The following CTNNA2 variants were observed in gnomAD, a reference collection of about 807,000 sequenced individuals.
The protein encoded by CTNNA2 is catenin alpha 2, also known as catenin alpha-2.
In CTNNA2, 42 loss-of-function variants were observed where a neutral mutation model predicts 101.0. The ratio of observed to expected loss-of-function variants is 0.42; its 90% CI spans 0.32 to 0.54. The LOEUF (loss-of-function observed/expected upper bound fraction) is 0.54, where lower values mean the gene tolerates loss of function less well. Ranked by LOEUF, CTNNA2 falls within the 20% of genes least tolerant of loss-of-function variation. The pLI, the probability that CTNNA2 is intolerant of heterozygous loss-of-function variation, is 0.14. For synonymous variants in CTNNA2, 450 were observed against 456.4 expected, an observed-to-expected ratio of 0.99 and a Z score of 0.18; for missense variants, 871 against 1,223.1, an observed-to-expected ratio of 0.71 and a Z score of 4.29.
At chr2:79,888,963 C>G (rs1684097447) in intron 6 of CTNNA2, among the ~76,000 whole-genome samples, 1 of 152,136 alleles carries the variant, frequency 6.6e-6, no homozygotes, top group African/African-American at 2.4e-5. Flanking sequence ...ATTAGAGCAA[C>G]ATGTGGTTTA....
chr2:79,889,317 C>T (rs1171471564), intron 6 of CTNNA2, among the ~76,000 whole-genome samples: 1 of 152,128 alleles, frequency 6.6e-6, no homozygotes, highest in African/African-American at 2.4e-5. Context: ...CTATTGAGTC[C>T]CATTCTTTAT....
chr2:79,809,410 T>A (rs139229533), intron 3 of CTNNA2, among the ~76,000 whole-genome samples: 5,017 of 152,276 alleles, frequency 0.033, 294 homozygotes, highest in African/African-American at 0.11. Flanking sequence ...CCACTAACAG[T>A]GTAAAAGCAT....
At chr2:79,694,646 G>A (rs1684535255) in intron 2 of CTNNA2, among the ~76,000 whole-genome samples, 1 of 151,708 alleles carries the variant, frequency 6.6e-6, no homozygotes, top group Non-Finnish European at 1.5e-5. Context: ...TGTTGACATC[G>A]TAATAGGCTG....
intron 3 of CTNNA2, among the ~76,000 whole-genome samples, chr2:79,825,596 A>G (rs1157562242): frequency 6.6e-6 from 1 of 152,140 alleles, no homozygotes; most frequent in East Asian, 1.9e-4. Context: ...GGGAATGCAG[A>G]TTTCAGTTTG....
chr2:79,677,705 C>T (rs1683277211), intron 2 of CTNNA2, among the ~76,000 whole-genome samples: 1 of 152,190 alleles, frequency 6.6e-6, no homozygotes, highest in Admixed American at 6.5e-5. Context: ...GCTCAACCTT[C>T]CACCCCCTAT....
intron 1 of CTNNA2, among the ~76,000 whole-genome samples, chr2:79,607,162 A>G (rs1436348646): frequency 6.6e-6 from 1 of 152,230 alleles, no homozygotes; most frequent in Non-Finnish European, 1.5e-5. Flanking sequence ...TTTCAGAGCC[A>G]GTATTATTAC....
At chr2:80,504,712 A>C (rs1688136072) in intron 9 of CTNNA2, among the ~76,000 whole-genome samples, 1 of 152,124 alleles carries the variant, frequency 6.6e-6, no homozygotes, top group Non-Finnish European at 1.5e-5. Flanking sequence ...AATCATACTT[A>C]GCTCCGGGGA....
chr2:80,265,619 C>T (rs1672950368), intron 7 of CTNNA2, among the ~76,000 whole-genome samples: 1 of 152,180 alleles, frequency 6.6e-6, no homozygotes, highest in Non-Finnish European at 1.5e-5. Context: ...ACATTGATTG[C>T]TGCTTCTGCA....
chr2:80,172,907 G>A (rs1001376892), intron 7 of CTNNA2, among the ~76,000 whole-genome samples: 2 of 152,120 alleles, frequency 1.3e-5, no homozygotes, highest in Admixed American at 1.3e-4. Context: ...CCCAGTCTAC[G>A]CCAGTGTGAC....
chr2:79,673,378 A>C (rs2104596344), intron 2 of CTNNA2, among the ~76,000 whole-genome samples: 1 of 152,300 alleles, frequency 6.6e-6, no homozygotes, highest in Middle Eastern at 3.4e-3. Context: ...TCTTTTTAAA[A>C]ATATAAACTT....
intron 1 of CTNNA2, among the ~76,000 whole-genome samples, chr2:79,514,095 C>G (rs1008503109): frequency 6.6e-6 from 1 of 152,170 alleles, no homozygotes; most frequent in African/African-American, 2.4e-5. Context: ...GGCAGAAACT[C>G]TCTAAACTTT....
At chr2:79,678,289 C>A (rs1034461725) in intron 2 of CTNNA2, among the ~76,000 whole-genome samples, 17 of 152,070 alleles carry the variant, frequency 1.1e-4, no homozygotes, top group African/African-American at 3.4e-4. Flanking sequence ...CTCCTGTAAT[C>A]CTAGCACTTT....
At position 80,388,126 on chromosome 2, in the gene CTNNA2, A is replaced by T. The variant is rs1677184356; in HGVS notation, c.1057-5085A>T. Among the ~76,000 whole-genome samples the T allele has an allele frequency of 2.0e-5, 3 of 152,224 alleles. No individual in the cohort carries two copies. In the South Asian group the frequency reaches 6.2e-4, roughly 32 times the overall value. On this transcript the variant is annotated intron_variant, in intron 7 of 18. Transcript: ENST00000402739. ...TGAAGAGAAACACATGAAACTATGA[A>T]ATCACAGAATCCTGAAATTTTAGAG...
intron 7 of CTNNA2, among the ~76,000 whole-genome samples, chr2:80,315,386 G>T (rs998526819): frequency 4.6e-5 from 7 of 152,200 alleles, no homozygotes; most frequent in Non-Finnish European, 7.3e-5. Context: ...TGAAAGCTGT[G>T]GTGCTCGCTC....
chr2:79,956,881 C>A (rs1397589199), intron 7 of CTNNA2, among the ~76,000 whole-genome samples: 7 of 80,676 alleles, frequency 8.7e-5, no homozygotes, highest in Admixed American at 4.2e-4. Context: ...GTGTATGAAG[C>A]TATTTAAGGC....
At chr2:79,547,724 G>A (rs1164823054) in intron 1 of CTNNA2, 1 of 152,238 alleles carries the variant, frequency 6.6e-6, no homozygotes, top group Non-Finnish European at 1.5e-5. Flanking sequence ...GACTATCACT[G>A]AGTTTGTCTC....
At chr2:80,285,763 A>T (rs566328671) in intron 7 of CTNNA2, among the ~76,000 whole-genome samples, 9 of 152,310 alleles carry the variant, frequency 5.9e-5, no homozygotes, top group Non-Finnish European at 1.3e-4. Flanking sequence ...ATGAGCCTTC[A>T]AATATGAATT....
chr2:80,591,032 T>C (rs1017737547), intron 15 of CTNNA2, among the ~76,000 whole-genome samples: 2 of 152,166 alleles, frequency 1.3e-5, no homozygotes, highest in African/African-American at 2.4e-5. Context: ...CTTGAACAAA[T>C]AATCTCAGTA....
At position 79,829,418 on chromosome 2, in the gene CTNNA2, CACAA is replaced by C. The variant is rs1243767253; in HGVS notation, c.299-28593_299-28590del. On this transcript the variant is annotated intron_variant, in intron 3 of 18. Coordinates refer to ENST00000402739, the MANE Select transcript of CTNNA2 (RefSeq NM_001282597.3). ...ACACACACACACACACACACACAGA[CACAA>C]AGCCGGGCGAGATGGCGGGCGCCTG... Among the ~76,000 whole-genome samples the C allele has an allele frequency of 1.1e-3, 163 of 143,558 alleles. 2 individuals carry two copies. The highest frequency in any genetic ancestry group is 3.5e-3 in the East Asian group (16 of 4,516). 94.2% of individuals were successfully genotyped at this position (143,558 alleles called of 152,430 possible).
Sources: allele counts gnomAD v4.1 joint callset (sites outside exome capture counted in the v4.1 genomes callset), GRCh38; gene constraint gnomAD v4.1.1; transcripts MANE v1.5; gene names NCBI Gene and HGNC (gene_info 2026-07-23, HGNC 2026-07-21).